TMEM268: variants seen among roughly 807,000 people sequenced by gnomAD.
TMEM268 encodes transmembrane protein C9orf91.
Under a neutral mutation model 39.1 loss-of-function variants are expected in TMEM268, and 24 were observed. That is an observed-to-expected ratio of 0.61 (90% CI 0.44 to 0.86). The LOEUF (loss-of-function observed/expected upper bound fraction) is 0.86. TMEM268 is among the 40% of genes least tolerant of loss of function. The pLI is 0.00. For synonymous variants in TMEM268, 176 were observed against 173.5 expected (o/e 1.01, Z -0.12); for missense variants, 409 against 428.6 (o/e 0.95, Z 0.40).
rs1400239088 is a variant in TMEM268 at position 114,645,573 on chromosome 9, C to T, written c.*2260C>T. ...TGACCACTGTCTTTCTGACCTGGCA[C>T]AGAGGAAATGTTGGCTGTGAATGTG... is the stretch of plus-strand genomic sequence containing the variant. On this transcript the variant is annotated 3_prime_UTR_variant, in exon 9 of 9. Transcript: ENST00000288502. The T allele has an allele frequency of 6.6e-6, 1 of 152,354 alleles. No individual in the cohort carries two copies. The highest frequency in any genetic ancestry group is 1.5e-5 in the Non-Finnish European group (1 of 68,050). 9.4% of individuals were successfully genotyped at this position (152,354 alleles called of 1,614,324 possible). A position where few individuals can be genotyped will look rare whatever the true frequency, so the allele number is the denominator to read the frequency against.
chr9:114,621,888 G>C (rs890172008), intron 2 of TMEM268, among the ~76,000 whole-genome samples: 1 of 152,196 alleles, frequency 6.6e-6, no homozygotes, highest in African/African-American at 2.4e-5. Flanking sequence ...GTGGTAACAA[G>C]GTTGGCTTTT....
chr9:114,609,063 A>T (rs2133571571), upstream of TMEM268, among the ~76,000 whole-genome samples: 1 of 152,262 alleles, frequency 6.6e-6, no homozygotes, highest in South Asian at 2.1e-4. Flanking sequence ...TAATCCCAGT[A>T]CTTTGGGAGG....
In TMEM268 at chr9:114,612,634, C is replaced by G. The variant is rs112245801; in HGVS notation, c.-79+1070C>G. 7.1e-3 allele frequency among the ~76,000 whole-genome samples: 1,077 copies of G among 152,304 alleles called. 13 individuals carry two copies. Among genetic ancestry groups the G allele is most frequent in the African/African-American group, 0.025 (1,020 of 41,556 alleles). Reference sequence around the variant, plus strand: ...GCTGCCCTGATGGGCATGTCCTGGCCTCTGGTCCATATCCCTTTCTGCTTG... The same window carrying G: ...GCTGCCCTGATGGGCATGTCCTGGCGTCTGGTCCATATCCCTTTCTGCTTG... On this transcript the variant is annotated intron_variant, in intron 1 of 8. Coordinates refer to ENST00000288502, the MANE Select transcript of TMEM268 (RefSeq NM_153045.4).
intron 2 of TMEM268, among the ~76,000 whole-genome samples, chr9:114,623,739 GC>G (rs1190078427): frequency 2.6e-5 from 4 of 152,162 alleles, no homozygotes; most frequent in African/African-American, 9.7e-5. Context: ...ATTTCATGGG[GC>G]CCACCCGGAT....
At chr9:114,610,042 A>ATT (rs112492997), upstream of TMEM268, among the ~76,000 whole-genome samples, 4,083 of 145,822 alleles carry the variant, frequency 0.028, 93 homozygotes, top group East Asian at 0.082. Context: ...GGTTTTTGCA[A>ATT]TTTTTTTTTT....
intron 1 of TMEM268, among the ~76,000 whole-genome samples, chr9:114,616,392 G>GTC (rs1845715450): frequency 6.6e-6 from 1 of 151,028 alleles, no homozygotes; most frequent in Non-Finnish European, 1.5e-5. Context: ...TTGAGACAGG[G>GTC]TCTCTCTCTG....
At chr9:114,631,282 C>CAAAAAAAAAAAAAAAAAAA (rs3035421) in intron 5 of TMEM268, among the ~76,000 whole-genome samples, 1 of 130,182 alleles carries the variant, frequency 7.7e-6, no homozygotes, top group African/African-American at 3.0e-5. Flanking sequence ...CAGCCTGCCT[C>CAAAAAAAAAAAAAAAAAAA]AAAAAAAAAA....
chr9:114,606,681 G>C (rs1165152308), upstream of TMEM268, among the ~76,000 whole-genome samples: 28 of 148,862 alleles, frequency 1.9e-4, 1 homozygote, highest in Admixed American at 1.9e-3. Flanking sequence ...CAGGGTCACA[G>C]AGCCAATTTG....
At chr9:114,610,119 A>C (rs189044666), upstream of TMEM268, among the ~76,000 whole-genome samples, 1,057 of 151,374 alleles carry the variant, frequency 7.0e-3, 50 homozygotes, top group Admixed American at 0.066. Context: ...GGCTCACCGC[A>C]ACCTCCACCT....
intron 2 of TMEM268, among the ~76,000 whole-genome samples, chr9:114,620,926 CA>C (rs142018561): frequency 1.3e-5 from 2 of 149,858 alleles, no homozygotes; most frequent in Non-Finnish European, 1.5e-5. Flanking sequence ...CCACCACTTC[CA>C]AAAAAAAACA....
rs371523770 is a variant in TMEM268 at position 114,643,237 on chromosome 9, C to T, written c.953C>T (p.Pro318Leu). 2.2e-5 allele frequency: 35 copies of T among 1,614,054 alleles called. No homozygotes were observed. The highest frequency in any genetic ancestry group is 2.3e-5 in the Non-Finnish European group (27 of 1,180,032). ...ATGGGGACACGACACACGAACTCTC[C>T]GAGAATTCCATGCCCCTGCCAGCTC... Reference protein sequence around the residue: ...QAMGTRHTNSPRIPCPCQLIE... With the variant: ...QAMGTRHTNSLRIPCPCQLIE... The change falls in exon 9 of 9, where the codon CCG (proline) becomes CTG (leucine). Residue 318 changes from proline (P) to leucine (L), a missense_variant. By Grantham distance (98) the Pro-to-Leu change is moderately conservative. Coordinates refer to ENST00000288502, the MANE Select transcript of TMEM268 (RefSeq NM_153045.4).
chr9:114,607,253 T>C (rs1845377569), upstream of TMEM268, among the ~76,000 whole-genome samples: 1 of 152,200 alleles, frequency 6.6e-6, no homozygotes, highest in Non-Finnish European at 1.5e-5. Flanking sequence ...GGGATAGCTA[T>C]GAACATGGGT....
Position 114,617,278 on chromosome 9 carries a change from G to A in TMEM268, c.83G>A (p.Gly28Glu). Reference sequence around the variant, plus strand: ...CCTGGCTGGAGTGCCCTGCCTGGAGGGAGCCCTCCTGGCTGGGGGCAAGGT... The same window carrying A: ...CCTGGCTGGAGTGCCCTGCCTGGAGAGAGCCCTCCTGGCTGGGGGCAAGGT... ...SSPGWSALPG[G>E]SPPGWGQELH... is the part of the protein sequence containing the mutation. The change falls in exon 2 of 9, where the codon GGG becomes GAG. Residue 28 changes from glycine to glutamate, a missense_variant. Physicochemically the swap from Gly to Glu is moderately conservative, Grantham distance 98. Coordinates refer to ENST00000288502, the MANE Select transcript of TMEM268 (RefSeq NM_153045.4). 2 of 1,613,242 alleles carry A rather than the reference G, an allele frequency of 1.2e-6. No homozygotes were observed. The highest frequency in any genetic ancestry group is 1.7e-6 in the Non-Finnish European group (2 of 1,179,478).
At chr9:114,609,854 AAG>A (rs61647265), upstream of TMEM268, among the ~76,000 whole-genome samples, 2 of 40,052 alleles carry the variant, frequency 5.0e-5, no homozygotes, top group Non-Finnish European at 5.1e-5. Flanking sequence ...GAAAGAAAGA[AAG>A]AGAAAGAGAA....
At chr9:114,616,156 C>G (rs1265402709) in intron 1 of TMEM268, among the ~76,000 whole-genome samples, 1 of 151,236 alleles carries the variant, frequency 6.6e-6, no homozygotes, top group Non-Finnish European at 1.5e-5. Context: ...GCTGGGACTA[C>G]AGGCTCCCAC....
At chr9:114,615,841 C>T (rs1366404386) in intron 1 of TMEM268, among the ~76,000 whole-genome samples, 1 of 151,906 alleles carries the variant, frequency 6.6e-6, no homozygotes, top group Admixed American at 6.6e-5. Context: ...AGGTGCCCAC[C>T]ACCATGCCTG....
rs781624654 is a variant in TMEM268, at chr9:114,628,253, G to A, written c.474+3G>A. 6.2e-7 allele frequency: 1 copy of A among 1,613,160 alleles called. No homozygotes were observed. Among genetic ancestry groups the A allele is most frequent in the Non-Finnish European group, 8.5e-7 (1 of 1,179,748 alleles). Reference sequence around the variant, plus strand: ...TCTTTGAAAGACACCAGAAGAAGGTGAGATGTCTGGAGATCCCTGCCACAC... The same window carrying A: ...TCTTTGAAAGACACCAGAAGAAGGTAAGATGTCTGGAGATCCCTGCCACAC... On this transcript the variant is annotated splice_donor_region_variant and intron_variant, in intron 5 of 8. Coordinates refer to ENST00000288502, the MANE Select transcript of TMEM268 (RefSeq NM_153045.4).
Position 114,646,414 on chromosome 9 carries a change from C to G in TMEM268, c.*3101C>G, listed in dbSNP as rs1467130271. ...TGAGTGAAAGCTCAATAAATTGTTA[C>G]TTAAAAAATTTTTTGTCTCGCATAT... On this transcript the variant is annotated 3_prime_UTR_variant, in exon 9 of 9. Transcript: ENST00000288502. 1 of 152,294 alleles carries G rather than the reference C, an allele frequency of 6.6e-6. No homozygotes were observed. Among genetic ancestry groups the G allele is most frequent in the Non-Finnish European group, 1.5e-5 (1 of 68,040 alleles). 9.4% of individuals were successfully genotyped at this position (152,294 alleles called of 1,614,324 possible).
In TMEM268 at chr9:114,633,763, T is replaced by G; in HGVS notation, c.475-5T>G. 1 of 1,552,988 alleles carries G rather than the reference T, an allele frequency of 6.4e-7. No individual in the cohort carries two copies. The highest frequency in any genetic ancestry group is 8.7e-7 in the Non-Finnish European group (1 of 1,144,670). ...CTGGTGATGGGCCTGGCGTTTGTCT[T>G]ACAGGCCAACACCAACACGGACCTG... On this transcript the variant is annotated splice_region_variant and splice_polypyrimidine_tract_variant and intron_variant, in intron 5 of 8. Transcript: ENST00000288502.
Sources: allele counts gnomAD v4.1 joint callset (sites outside exome capture counted in the v4.1 genomes callset), GRCh38; gene constraint gnomAD v4.1.1; transcripts MANE v1.5; gene names NCBI Gene and HGNC (gene_info 2026-07-23, HGNC 2026-07-21).